KRAS: variants seen among roughly 807,000 people sequenced by gnomAD.
KRAS encodes GTPase KRas.
Under a neutral mutation model 21.0 loss-of-function variants are expected in KRAS, and 1 was observed. The observed-to-expected ratio is 0.05, with a 90% confidence interval of 0.02 to 0.23. The LOEUF is 0.23. Ranked by LOEUF, KRAS falls within the 10% of genes least tolerant of loss-of-function variation. The pLI, the probability that KRAS is intolerant of heterozygous loss-of-function variation, is 1.00. For synonymous variants in KRAS, 67 were observed against 72.5 expected (o/e 0.92, Z 0.39); for missense variants, 107 against 221.8 (o/e 0.48, Z 3.29).
chr12:25,237,181 A>C (rs2135796355), intron 2 of KRAS, among the ~76,000 whole-genome samples: 1 of 152,328 alleles, frequency 6.6e-6, no homozygotes, highest in African/African-American at 2.4e-5. Context: ...ATATGAAATA[A>C]TCAGAGTGGA....
chr12:25,217,928 T>A (rs1484686006), intron 4 of KRAS, among the ~76,000 whole-genome samples: 1 of 152,154 alleles, frequency 6.6e-6, no homozygotes, highest in Non-Finnish European at 1.5e-5. Flanking sequence ...AAAGTTTATA[T>A]TTATCATTAA....
In KRAS at chr12:25,205,724, A is replaced by T. The variant is rs1162154677; in HGVS notation, c.*4071T>A. On this transcript the variant is annotated 3_prime_UTR_variant, in exon 5 of 5. Transcript: ENST00000311936. Reference sequence around the variant, plus strand: ...AGATGGGCCCTCAACATATCTGCAGATAACTTTTTTTTCCCCTAAATTCAT... The same window carrying T: ...AGATGGGCCCTCAACATATCTGCAGTTAACTTTTTTTTCCCCTAAATTCAT... The T allele has an allele frequency of 5.4e-6, 1 of 183,524 alleles. No homozygotes were observed. Among genetic ancestry groups the T allele is most frequent in the African/African-American group, 2.5e-5 (1 of 40,056 alleles). The allele number at this position is 183,524 out of a possible 1,614,324, so 11.4% of individuals were successfully genotyped here.
chr12:25,236,159 C>T (rs191223052), intron 2 of KRAS, among the ~76,000 whole-genome samples: 123 of 152,092 alleles, frequency 8.1e-4, no homozygotes, highest in Admixed American at 1.6e-3. Flanking sequence ...ACTGGACAAT[C>T]AAGCAGGGGC....
intron 4 of KRAS, among the ~76,000 whole-genome samples, chr12:25,222,789 A>T (rs773171958): frequency 2.0e-5 from 3 of 152,256 alleles, no homozygotes; most frequent in Admixed American, 6.5e-5. Context: ...GTGTTATATT[A>T]AAGTATTAAG....
chr12:25,232,386 A>G (rs1217505473), intron 2 of KRAS, among the ~76,000 whole-genome samples: 4 of 152,216 alleles, frequency 2.6e-5, no homozygotes, highest in Non-Finnish European at 5.9e-5. Flanking sequence ...TCCTGCTGTA[A>G]GTTAATAACT....
intron 2 of KRAS, among the ~76,000 whole-genome samples, chr12:25,239,065 A>G (rs1951577803): frequency 6.6e-6 from 1 of 152,220 alleles, no homozygotes; most frequent in African/African-American, 2.4e-5. Context: ...TATCATTTTA[A>G]CCTTAGCCAA....
intron 1 of KRAS, among the ~76,000 whole-genome samples, chr12:25,249,313 C>T (rs1172230640): frequency 1.3e-5 from 2 of 152,120 alleles, no homozygotes; most frequent in Non-Finnish European, 2.9e-5. Flanking sequence ...AGGAGAATTG[C>T]TTGAATGCAG....
intron 4 of KRAS, among the ~76,000 whole-genome samples, chr12:25,212,044 T>C (rs11047893): frequency 0.1 from 15,323 of 152,202 alleles, 1,137 homozygotes; most frequent in Non-Finnish European, 0.14. Flanking sequence ...TTAACACATA[T>C]AGAGGGGAAA....
chr12:25,223,742 A>T (rs142620851), intron 4 of KRAS, among the ~76,000 whole-genome samples: 1 of 152,314 alleles, frequency 6.6e-6, no homozygotes, highest in African/African-American at 2.4e-5. Flanking sequence ...TTGCACCTTT[A>T]TGAAATTTGA....
chr12:25,230,176 A>C (rs1473297180), intron 2 of KRAS, among the ~76,000 whole-genome samples: 1 of 152,228 alleles, frequency 6.6e-6, no homozygotes, highest in East Asian at 1.9e-4. Context: ...GTATTTCAAA[A>C]TGTTTACAGT....
intron 2 of KRAS, among the ~76,000 whole-genome samples, chr12:25,228,835 C>T (rs1355526457): frequency 1.3e-5 from 2 of 152,044 alleles, no homozygotes; most frequent in African/African-American, 2.4e-5. Context: ...CCGAGGTGGG[C>T]GGATCATGAG....
intron 4 of KRAS, among the ~76,000 whole-genome samples, chr12:25,220,569 A>C (rs1242568187): frequency 1.3e-5 from 2 of 152,148 alleles, no homozygotes; most frequent in South Asian, 2.1e-4. Flanking sequence ...TCTACTAAAA[A>C]TACAAAAATT....
chr12:25,233,750 A>T (rs778466165), intron 2 of KRAS: 41 of 211,042 alleles, frequency 1.9e-4, no homozygotes, highest in Non-Finnish European at 3.6e-4. Flanking sequence ...ACCACTACAC[A>T]CCCTCTACCT....
At chr12:25,229,713 A>C (rs942126972) in intron 2 of KRAS, among the ~76,000 whole-genome samples, 4 of 152,232 alleles carry the variant, frequency 2.6e-5, no homozygotes, top group East Asian at 3.8e-4. Flanking sequence ...ATAAAGCATA[A>C]ACATAAAAGC....
chr12:25,228,027 A>G (rs1397543717), intron 2 of KRAS, among the ~76,000 whole-genome samples: 1 of 152,188 alleles, frequency 6.6e-6, no homozygotes, highest in African/African-American at 2.4e-5. Context: ...ATAAAAAGGA[A>G]TAAAATTTCA....
At chr12:25,249,061 T>C (rs527788966) in intron 1 of KRAS, among the ~76,000 whole-genome samples, 3 of 152,218 alleles carry the variant, frequency 2.0e-5, no homozygotes, top group African/African-American at 7.2e-5. Flanking sequence ...ACATAACATA[T>C]ACATTGTATA....
intron 4 of KRAS, among the ~76,000 whole-genome samples, chr12:25,218,229 A>T (rs1592800751): frequency 1.1e-5 from 1 of 94,624 alleles, no homozygotes; most frequent in African/African-American, 3.7e-5. Context: ...ATTTCTGTTT[A>T]AAAAAAAAAA....
chr12:25,208,326 C>A lies in KRAS; in HGVS notation c.*1469G>T, dbSNP rs1951163278. The A allele has an allele frequency of 8.6e-6, 2 of 232,996 alleles. No individual in the cohort carries two copies. Among genetic ancestry groups the A allele is most frequent in the Non-Finnish European group, 1.7e-5 (2 of 117,794 alleles). The allele number at this position is 232,996 out of a possible 1,614,324, so 14.4% of individuals were successfully genotyped here. A position where few individuals can be genotyped will look rare whatever the true frequency, so the allele number is the denominator to read the frequency against. On this transcript the variant is annotated 3_prime_UTR_variant, in exon 5 of 5. Coordinates refer to ENST00000311936, the MANE Select transcript of KRAS (RefSeq NM_004985.5). ...ACTTTCACCTCACCATGCCATCTCA[C>A]TTCATTTATTTTAAAATAAGTAACA...
At chr12:25,215,698 A>G (rs1951247857) in intron 4 of KRAS, 2 of 713,152 alleles carry the variant, frequency 2.8e-6, no homozygotes, top group African/African-American at 3.6e-5. Context: ...TGTTTGAATA[A>G]AACTGAGGAT....
Sources: gnomAD v4.1 joint callset for allele counts (sites outside exome capture counted in the v4.1 genomes callset) on GRCh38, gnomAD v4.1.1 for gene constraint, MANE v1.5 for transcripts, NCBI Gene and HGNC (gene_info 2026-07-23, HGNC 2026-07-21) for gene names.